NRXN3: variants seen among roughly 807,000 people sequenced by gnomAD.
NRXN3 encodes the protein neurexin 3.
NRXN3 carries 32 observed loss-of-function variants against 137.6 expected under a neutral mutation model. The ratio of observed to expected loss-of-function variants is 0.23; its 90% CI spans 0.18 to 0.31. NRXN3 has a LOEUF of 0.31. Among genes scored for constraint, NRXN3 ranks in the 10% least tolerant of loss-of-function variants. The probability of loss-of-function intolerance (pLI) is 1.00; values close to 1 mark genes in which losing one functional copy is unlikely to be tolerated. For synonymous variants in NRXN3, 798 were observed against 784.5 expected, an observed-to-expected ratio of 1.02 and a Z score of -0.29; for missense variants, 1,574 against 2,062.5, an observed-to-expected ratio of 0.76 and a Z score of 4.59.
intron 10 of NRXN3, among the ~76,000 whole-genome samples, chr14:78,855,458 G>A (rs1268414225): frequency 2.0e-5 from 3 of 152,094 alleles, no homozygotes; most frequent in African/African-American, 7.2e-5. Context: ...AATAAAACCT[G>A]TAATCCCAAT....
chr14:79,866,153 T>A lies in NRXN3; in HGVS notation c.*4189T>A, dbSNP rs1249934631. ...CAGGTCCAGTCTCTCTTTGCTCATATTCAAATTGAAGTTTGATCTTTCTCC... is the reference window on the plus strand; with the variant it reads ...CAGGTCCAGTCTCTCTTTGCTCATAATCAAATTGAAGTTTGATCTTTCTCC... On this transcript the variant is annotated 3_prime_UTR_variant, in exon 21 of 21. Coordinates refer to ENST00000335750, the MANE Select transcript of NRXN3 (RefSeq NM_001330195.2). The A allele has an allele frequency of 6.6e-6, 1 of 152,230 alleles. No individual in the cohort carries two copies. The highest frequency in any genetic ancestry group is 1.5e-5 in the Non-Finnish European group (1 of 68,046). 9.4% of individuals were successfully genotyped at this position (152,230 alleles called of 1,614,324 possible).
At chr14:79,522,816 T>C (rs561157434) in intron 16 of NRXN3, among the ~76,000 whole-genome samples, 3 of 152,314 alleles carry the variant, frequency 2.0e-5, no homozygotes, top group South Asian at 4.1e-4. Context: ...GGAGCACAAC[T>C]CTTTATCAAA....
chr14:79,240,493 G>T (rs1342759011), intron 15 of NRXN3, among the ~76,000 whole-genome samples: 1 of 152,004 alleles, frequency 6.6e-6, no homozygotes, highest in Admixed American at 6.6e-5. Flanking sequence ...TTGCTGAAAG[G>T]CTTTTTCTAA....
chr14:78,363,857 T>C (rs1025009114), intron 4 of NRXN3, among the ~76,000 whole-genome samples: 2 of 152,234 alleles, frequency 1.3e-5, no homozygotes, highest in African/African-American at 4.8e-5. Flanking sequence ...GCTCATCAGA[T>C]AAAATGCTTA....
At chr14:79,567,633 C>T (rs2097562678) in intron 16 of NRXN3, among the ~76,000 whole-genome samples, 2 of 152,036 alleles carry the variant, frequency 1.3e-5, no homozygotes, top group Admixed American at 1.3e-4. Flanking sequence ...CTGCTGATTC[C>T]TCCTTCTACG....
At chr14:79,142,444 G>A (rs1377810004) in intron 15 of NRXN3, among the ~76,000 whole-genome samples, 1 of 151,926 alleles carries the variant, frequency 6.6e-6, no homozygotes, top group Non-Finnish European at 1.5e-5. Context: ...AAAAGTAAAG[G>A]GCAGACAGAA....
intron 4 of NRXN3, among the ~76,000 whole-genome samples, chr14:78,517,726 C>T (rs1192021586): frequency 1.3e-5 from 2 of 152,014 alleles, no homozygotes; most frequent in Non-Finnish European, 2.9e-5. Context: ...AAGAAGCACA[C>T]GATAAAGAAA....
rs112487906 is a variant in NRXN3, at chr14:78,626,224, C to T, written c.758-18896C>T. Among the ~76,000 whole-genome samples, 1,211 of 152,280 alleles carry T rather than the reference C, an allele frequency of 8.0e-3. 6 individuals are homozygous for T. Among genetic ancestry groups the T allele is most frequent in the Non-Finnish European group, 0.014 (934 of 68,026 alleles). Reference sequence around the variant, plus strand: ...TCACTTCCCTTTACATAGCTTGTTACGTGGTGAGCTTTAACTACAGTGCGC... The same window carrying T: ...TCACTTCCCTTTACATAGCTTGTTATGTGGTGAGCTTTAACTACAGTGCGC... On this transcript the variant is annotated intron_variant, in intron 4 of 20. Transcript: ENST00000335750.
At chr14:79,693,821 G>A (rs1297490781) in intron 18 of NRXN3, among the ~76,000 whole-genome samples, 2 of 151,718 alleles carry the variant, frequency 1.3e-5, no homozygotes, top group Admixed American at 6.6e-5. Flanking sequence ...AGATATCCTA[G>A]TTTCTTAAAT....
At chr14:78,611,860 A>C (rs752009795) in intron 4 of NRXN3, among the ~76,000 whole-genome samples, 20 of 152,232 alleles carry the variant, frequency 1.3e-4, no homozygotes, top group Non-Finnish European at 2.8e-4. Flanking sequence ...TTATATTGCC[A>C]GTCACTTACA....
rs376170800 is a variant in NRXN3 at position 79,287,597 on chromosome 14, CT to C, written c.3263-179622del. 4.8e-4 allele frequency among the ~76,000 whole-genome samples: 73 copies of C among 152,150 alleles called. 1 individual carries two copies. Among genetic ancestry groups the C allele is most frequent in the African/African-American group, 1.7e-3 (69 of 41,516 alleles). ...ACTTCTTTTAATGCAATTTCTTAGGCTTACTAGGGCTCAAAGTTTGTAGAGC... is the reference window on the plus strand; with the variant it reads ...ACTTCTTTTAATGCAATTTCTTAGGCTACTAGGGCTCAAAGTTTGTAGAGC... On this transcript the variant is annotated intron_variant, in intron 15 of 20. Coordinates refer to ENST00000335750, the MANE Select transcript of NRXN3 (RefSeq NM_001330195.2).
In NRXN3 at chr14:78,344,412, C is replaced by T. The variant is rs549034199; in HGVS notation, c.757+46552C>T. Among the ~76,000 whole-genome samples the T allele has an allele frequency of 9.8e-5, 15 of 152,346 alleles. 1 individual carries two copies. The South Asian group carries it at 3.1e-3, about 32-fold the overall frequency. On this transcript the variant is annotated intron_variant, in intron 4 of 20. Transcript: ENST00000335750. ...CTCTCACATGACAACATTTCCTAAA[C>T]AGGTAGTCAAAGCCAGAGAAAGAGA...
intron 15 of NRXN3, among the ~76,000 whole-genome samples, chr14:79,243,129 T>G (rs1215059229): frequency 6.6e-6 from 1 of 152,162 alleles, no homozygotes; most frequent in Non-Finnish European, 1.5e-5. Flanking sequence ...AGCAAACATT[T>G]ATTATGACTT....
chr14:78,293,349 CT>C (rs1262943055), intron 3 of NRXN3, among the ~76,000 whole-genome samples: 1 of 152,134 alleles, frequency 6.6e-6, no homozygotes, highest in Non-Finnish European at 1.5e-5. Context: ...AGACTGTAGT[CT>C]TACATTGTTA....
intron 15 of NRXN3, among the ~76,000 whole-genome samples, chr14:79,189,242 A>G (rs2063925959): frequency 6.6e-6 from 1 of 152,190 alleles, no homozygotes; most frequent in Admixed American, 6.5e-5. Flanking sequence ...TTGTAGGGAC[A>G]TGGATGAAAC....
chr14:79,596,661 G>C (rs992999008), intron 16 of NRXN3, among the ~76,000 whole-genome samples: 1 of 152,066 alleles, frequency 6.6e-6, no homozygotes, highest in Non-Finnish European at 1.5e-5. Flanking sequence ...GTTTCTGTGT[G>C]GGGGAGAAAT....
chr14:79,618,018 A>C (rs1434947033), intron 16 of NRXN3, among the ~76,000 whole-genome samples: 1 of 150,664 alleles, frequency 6.6e-6, no homozygotes, highest in Non-Finnish European at 1.5e-5. Flanking sequence ...TCTTTCTTCT[A>C]CTGATTGAAG....
At chr14:79,858,838 A>C (rs538266651) in intron 20 of NRXN3, among the ~76,000 whole-genome samples, 1 of 152,302 alleles carries the variant, frequency 6.6e-6, no homozygotes, top group Non-Finnish European at 1.5e-5. Context: ...ATAATAAAAA[A>C]GTTTGCTCAG....
At chr14:78,734,079 C>G (rs181713645) in intron 8 of NRXN3, among the ~76,000 whole-genome samples, 1 of 152,146 alleles carries the variant, frequency 6.6e-6, no homozygotes, top group Admixed American at 6.5e-5. Context: ...TCTCCACTCT[C>G]GAATGCAGTG....
Sources: gnomAD v4.1 joint callset for allele counts (sites outside exome capture counted in the v4.1 genomes callset) on GRCh38, gnomAD v4.1.1 for gene constraint, MANE v1.5 for transcripts, NCBI Gene and HGNC (gene_info 2026-07-23, HGNC 2026-07-21) for gene names.